Variants in NAALADL2 observed in about 807,000 individuals in gnomAD.
The protein encoded by NAALADL2 is inactive N-acetylated-alpha-linked acidic dipeptidase-like protein 2.
A neutral mutation model predicts 87.2 loss-of-function variants in NAALADL2; 76 were observed. The observed-to-expected ratio is 0.87, with a 90% CI of 0.72 to 1.05. The LOEUF (loss-of-function observed/expected upper bound fraction) is 1.05. NAALADL2 is among the 50% of genes least tolerant of loss of function. The pLI is 0.00. For missense variants in NAALADL2, 1,089 were observed against 945.8 expected (o/e 1.15, Z -1.99); for synonymous variants, 354 against 331.0 (o/e 1.07, Z -0.75).
chr3:175,072,655 G>T (rs115018752), intron 1 of NAALADL2, among the ~76,000 whole-genome samples: 3,062 of 128,350 alleles, frequency 0.024, 109 homozygotes, highest in African/African-American at 0.087. Context: ...TTTCTACTGA[G>T]TATAACTATA....
chr3:174,852,312 GA>G (rs946636812), intron 3 of NAALADL2, among the ~76,000 whole-genome samples: 19 of 152,044 alleles, frequency 1.2e-4, no homozygotes, highest in African/African-American at 4.6e-4. Context: ...CTTATATTTA[GA>G]AAAACCTAAG....
At chr3:174,668,471 G>A (rs1286821784) in intron 2 of NAALADL2, among the ~76,000 whole-genome samples, 1 of 152,084 alleles carries the variant, frequency 6.6e-6, no homozygotes, top group East Asian at 1.9e-4. Flanking sequence ...TGCACAACGT[G>A]CAGGTTAGTT....
chr3:174,698,188 TGA>T (rs1729209506), intron 2 of NAALADL2, among the ~76,000 whole-genome samples: 2 of 152,138 alleles, frequency 1.3e-5, no homozygotes, highest in African/African-American at 4.8e-5. Flanking sequence ...TCATTAATAT[TGA>T]GTTTAATACT....
intron 2 of NAALADL2, among the ~76,000 whole-genome samples, chr3:175,131,641 C>T (rs1727896697): frequency 6.6e-6 from 1 of 152,224 alleles, no homozygotes; most frequent in African/African-American, 2.4e-5. Context: ...CTGGCCCGTT[C>T]TCAATGAGCT....
Position 175,015,845 on chromosome 3 carries a change from G to A in NAALADL2, c.44-80945G>A, listed in dbSNP as rs537446014. Among the ~76,000 whole-genome samples the A allele has an allele frequency of 2.0e-5, 3 of 151,842 alleles. No individual in the cohort carries two copies. In the South Asian group the frequency reaches 6.2e-4, roughly 32 times the overall value. ...TTATAAAAATAAGTAATTTATGAGG[G>A]TCTATGTGTTTTAAAACACCATATC... On this transcript the variant is annotated intron_variant, in intron 1 of 13. Transcript: ENST00000454872.
chr3:174,835,809 T>C (rs1019249099), intron 3 of NAALADL2, among the ~76,000 whole-genome samples: 1 of 152,176 alleles, frequency 6.6e-6, no homozygotes, highest in Non-Finnish European at 1.5e-5. Flanking sequence ...CGAGGTATTA[T>C]TCATACCCAT....
chr3:174,761,041 G>A (rs1326417339), intron 3 of NAALADL2, among the ~76,000 whole-genome samples: 1 of 152,146 alleles, frequency 6.6e-6, no homozygotes, highest in East Asian at 1.9e-4. Flanking sequence ...CTTTCTCTTT[G>A]CAACCTCAGA....
At chr3:175,075,101 C>T (rs1407374957) in intron 1 of NAALADL2, among the ~76,000 whole-genome samples, 1 of 152,016 alleles carries the variant, frequency 6.6e-6, no homozygotes, top group African/African-American at 2.4e-5. Context: ...TTAGCAATAA[C>T]CCTATGAGCT....
intron 1 of NAALADL2, among the ~76,000 whole-genome samples, chr3:174,895,557 A>G (rs145246331): frequency 6.6e-6 from 1 of 152,300 alleles, no homozygotes; most frequent in African/African-American, 2.4e-5. Context: ...AGTAAAGAAA[A>G]GCCTGGGACC....
intron 2 of NAALADL2, among the ~76,000 whole-genome samples, chr3:174,598,862 A>G (rs1371555564): frequency 6.6e-6 from 1 of 152,180 alleles, no homozygotes; most frequent in Non-Finnish European, 1.5e-5. Context: ...TTTAACTTTC[A>G]TATCTATTAT....
In NAALADL2 at chr3:174,812,453, G is replaced by A. The variant is rs148969609; in HGVS notation, c.-9+74707G>A. On this transcript the variant is annotated intron_variant, in intron 3 of 3. Transcript: ENST00000434257. ...TATTACATACAATTATTTATAGTAC[G>A]TAATACTTGATAATGATAATAAACA... is the stretch of plus-strand genomic sequence containing the variant. 6.6e-3 allele frequency among the ~76,000 whole-genome samples: 998 copies of A among 152,110 alleles called. 9 individuals are homozygous for A. Among genetic ancestry groups the A allele is most frequent in the Middle Eastern group, 0.024 (7 of 294 alleles).
chr3:175,735,356 A>G (rs1561057744), intron 11 of NAALADL2, among the ~76,000 whole-genome samples: 1 of 152,234 alleles, frequency 6.6e-6, no homozygotes, highest in East Asian at 1.9e-4. Flanking sequence ...GAGCCCTCCA[A>G]ACTGTTCCAA....
At chr3:175,460,346 G>C (rs1390632264) in intron 6 of NAALADL2, among the ~76,000 whole-genome samples, 1 of 152,170 alleles carries the variant, frequency 6.6e-6, no homozygotes, top group Non-Finnish European at 1.5e-5. Context: ...GCACATGCAT[G>C]AGGATGTAAA....
chr3:175,377,814 T>A (rs187462927), intron 5 of NAALADL2, among the ~76,000 whole-genome samples: 313 of 152,312 alleles, frequency 2.1e-3, no homozygotes, highest in Non-Finnish European at 3.8e-3. Context: ...GAGGGACAGC[T>A]TGATGGTGTA....
intron 1 of NAALADL2, among the ~76,000 whole-genome samples, chr3:175,007,219 T>C (rs2108787715): frequency 6.6e-6 from 1 of 151,174 alleles, no homozygotes; most frequent in East Asian, 2.0e-4. Flanking sequence ...TAACCTATTG[T>C]AGTGCTAGTA....
chr3:175,369,561 T>C (rs983974523), intron 5 of NAALADL2: 3 of 152,524 alleles, frequency 2.0e-5, no homozygotes, highest in Admixed American at 6.5e-5. Flanking sequence ...TGTATACACC[T>C]GATATGTGTA....
At chr3:175,717,506 A>G (rs970955468) in intron 11 of NAALADL2, among the ~76,000 whole-genome samples, 2 of 152,156 alleles carry the variant, frequency 1.3e-5, no homozygotes, top group Admixed American at 6.6e-5. Context: ...AGCCTGGCCA[A>G]CATGGCAAAA....
intron 1 of NAALADL2, among the ~76,000 whole-genome samples, chr3:175,008,086 C>T (rs933233988): frequency 3.3e-5 from 5 of 152,070 alleles, no homozygotes; most frequent in Admixed American, 1.3e-4. Context: ...TTAAAATTTA[C>T]AAATGCTTGC....
Position 175,719,583 on chromosome 3 carries a change from C to A in NAALADL2, c.1897-17723C>A, listed in dbSNP as rs9850831. Among the ~76,000 whole-genome samples, 1,333 of 152,084 alleles carry A rather than the reference C, an allele frequency of 8.8e-3. 21 individuals are homozygous for A. The highest frequency in any genetic ancestry group is 0.03 in the African/African-American group (1,248 of 41,486). On this transcript the variant is annotated intron_variant, in intron 11 of 13. Coordinates refer to ENST00000454872, the MANE Select transcript of NAALADL2 (RefSeq NM_207015.3). Reference sequence around the variant, plus strand: ...TTACAGTAATATTTTTGAATATTTCCAAGATGATTTTTTTAAAACATAGAA... The same window carrying A: ...TTACAGTAATATTTTTGAATATTTCAAAGATGATTTTTTTAAAACATAGAA...
Sources: allele counts gnomAD v4.1 joint callset (sites outside exome capture counted in the v4.1 genomes callset), GRCh38; gene constraint gnomAD v4.1.1; transcripts MANE v1.5; gene names NCBI Gene and HGNC (gene_info 2026-07-23, HGNC 2026-07-21).